TMEM132D: variants seen among roughly 807,000 people sequenced by gnomAD.
The protein encoded by TMEM132D is mature OL transmembrane protein.
In TMEM132D, 21 loss-of-function variants were observed where a neutral mutation model predicts 62.3. That is an observed-to-expected ratio of 0.34 (90% CI 0.24 to 0.49). The LOEUF is 0.49. Ranked by LOEUF, TMEM132D falls within the 20% of genes least tolerant of loss-of-function variation. The pLI, the probability that TMEM132D is intolerant of heterozygous loss-of-function variation, is 0.99. For missense variants in TMEM132D, 1,346 were observed against 1,402.8 expected (o/e 0.96, Z 0.65); for synonymous variants, 621 against 575.6 (o/e 1.08, Z -1.13).
chr12:129,319,393 G>C (rs751938377), intron 4 of TMEM132D, among the ~76,000 whole-genome samples: 1 of 152,196 alleles, frequency 6.6e-6, no homozygotes, highest in Non-Finnish European at 1.5e-5. Context: ...GGGGGTGTGT[G>C]TTTGGGAGAG....
At position 129,389,078 on chromosome 12, in the gene TMEM132D, C is replaced by G. The variant is rs56794307; in HGVS notation, c.1116-51261G>C. Among the ~76,000 whole-genome samples, 45 of 97,390 alleles carry G rather than the reference C, an allele frequency of 4.6e-4. 5 individuals carry two copies. Among genetic ancestry groups the G allele is most frequent in the Non-Finnish European group, 6.2e-4 (27 of 43,560 alleles). The allele number at this position is 97,390 out of a possible 152,430, so 63.9% of individuals were successfully genotyped here. ...ATGAATCCTAATATAAACACTAACACCGACACCAATGCTAACACCGACACC... is the reference window on the plus strand; with the variant it reads ...ATGAATCCTAATATAAACACTAACAGCGACACCAATGCTAACACCGACACC... On this transcript the variant is annotated intron_variant, in intron 3 of 8. Coordinates refer to ENST00000422113, the MANE Select transcript of TMEM132D (RefSeq NM_133448.3).
chr12:129,820,824 A>T lies in TMEM132D; in HGVS notation c.79+82437T>A, dbSNP rs952283569. Among the ~76,000 whole-genome samples the T allele has an allele frequency of 5.6e-4, 85 of 152,212 alleles. 1 individual carries two copies. The highest frequency in any genetic ancestry group is 4.0e-4 in the Non-Finnish European group (27 of 68,046). ...GGCTGGCCTCAAACTCGTGGGCTCA[A>T]GCCATCCTCCTGCCTTGGCCTCCCA... is the stretch of plus-strand genomic sequence containing the variant. On this transcript the variant is annotated intron_variant, in intron 1 of 8. Coordinates refer to ENST00000422113, the MANE Select transcript of TMEM132D (RefSeq NM_133448.3).
At chr12:129,888,537 A>C (rs1874819519) in intron 1 of TMEM132D, among the ~76,000 whole-genome samples, 1 of 152,074 alleles carries the variant, frequency 6.6e-6, no homozygotes, top group Admixed American at 6.5e-5. Context: ...ATCTCTACTA[A>C]AAATACAATA....
chr12:129,452,932 C>G (rs1873342645), intron 3 of TMEM132D, among the ~76,000 whole-genome samples: 1 of 152,142 alleles, frequency 6.6e-6, no homozygotes, highest in Admixed American at 6.5e-5. Context: ...CCCCAACCCC[C>G]GGGGCCATGG....
intron 3 of TMEM132D, among the ~76,000 whole-genome samples, chr12:129,426,493 A>C (rs974424747): frequency 7.2e-5 from 11 of 152,194 alleles, no homozygotes; most frequent in African/African-American, 2.7e-4. Context: ...AGTGGTTGCC[A>C]CACTGATGTC....
chr12:129,499,542 C>T (rs1263117149), intron 3 of TMEM132D, among the ~76,000 whole-genome samples: 1 of 152,190 alleles, frequency 6.6e-6, no homozygotes, highest in African/African-American at 2.4e-5. Flanking sequence ...ACACCCTTTC[C>T]CCCATAGGGA....
At chr12:129,171,539 A>T (rs886358943) in intron 5 of TMEM132D, among the ~76,000 whole-genome samples, 22 of 152,250 alleles carry the variant, frequency 1.4e-4, no homozygotes, top group Admixed American at 4.6e-4. Flanking sequence ...GAGGAATCAC[A>T]GTCTCTGGCA....
At chr12:129,246,424 A>G (rs1880114854) in intron 4 of TMEM132D, among the ~76,000 whole-genome samples, 1 of 152,172 alleles carries the variant, frequency 6.6e-6, no homozygotes, top group Non-Finnish European at 1.5e-5. Flanking sequence ...CCTGACGGGA[A>G]GGAATGGGTT....
chr12:129,084,637 C>T lies in TMEM132D; in HGVS notation c.1509G>A (p.Val503=), dbSNP rs1233765147. The T allele has an allele frequency of 6.2e-7, 1 of 1,614,150 alleles. No homozygotes were observed. The highest frequency in any genetic ancestry group is 1.1e-5 in the South Asian group (1 of 91,076). ...GKEMKGKVNV[V]VNFTYQHLSS... ...TCAGGTGCTGGTAGGTGAAGTTCAC[C>T]ACCACGTTGACCTTGCCTTTCATTT... The change falls in exon 6 of 9, where the codon GTG becomes GTA. Residue 503 remains valine (V), a synonymous_variant. Coordinates refer to ENST00000422113, the MANE Select transcript of TMEM132D (RefSeq NM_133448.3).
intron 3 of TMEM132D, among the ~76,000 whole-genome samples, chr12:129,438,096 C>A (rs892450218): frequency 6.6e-6 from 1 of 152,108 alleles, no homozygotes; most frequent in African/African-American, 2.4e-5. Flanking sequence ...GCATAGTATT[C>A]CATGGTGAAT....
intron 1 of TMEM132D, among the ~76,000 whole-genome samples, chr12:129,862,514 C>T (rs1290623925): frequency 2.0e-5 from 3 of 152,192 alleles, no homozygotes; most frequent in African/African-American, 4.8e-5. Flanking sequence ...TCCATCTGTG[C>T]TCTCTGAACT....
chr12:129,636,811 G>A (rs1019503169), intron 2 of TMEM132D, among the ~76,000 whole-genome samples: 3 of 151,668 alleles, frequency 2.0e-5, no homozygotes, highest in Non-Finnish European at 2.9e-5. Context: ...GTATGAACCT[G>A]ACTGGTATGA....
intron 2 of TMEM132D, among the ~76,000 whole-genome samples, chr12:129,676,537 A>T (rs1402812610): frequency 2.0e-5 from 3 of 152,108 alleles, no homozygotes; most frequent in Admixed American, 2.0e-4. Context: ...CTTACAGAGG[A>T]GGGGGAAGGG....
chr12:129,820,877 A>G (rs1365968313), intron 1 of TMEM132D, among the ~76,000 whole-genome samples: 1 of 152,220 alleles, frequency 6.6e-6, no homozygotes, highest in African/African-American at 2.4e-5. Context: ...GTGTGCACCA[A>G]CACGCCTGGC....
At chr12:129,450,930 A>C (rs1566072705) in intron 3 of TMEM132D, among the ~76,000 whole-genome samples, 3 of 151,728 alleles carry the variant, frequency 2.0e-5, no homozygotes, top group Middle Eastern at 3.4e-3. Flanking sequence ...CACCTGGCTA[A>C]TTTTTGTAAT....
At chr12:129,601,543 T>C (rs1380952188) in intron 2 of TMEM132D, among the ~76,000 whole-genome samples, 2 of 152,230 alleles carry the variant, frequency 1.3e-5, no homozygotes, top group Non-Finnish European at 2.9e-5. Flanking sequence ...TAATCATTTC[T>C]AGCTTCTGAT....
chr12:129,599,387 A>G (rs1248068236), intron 2 of TMEM132D, among the ~76,000 whole-genome samples: 1 of 152,244 alleles, frequency 6.6e-6, no homozygotes, highest in Non-Finnish European at 1.5e-5. Context: ...CAGAGGCATT[A>G]CACACCAGCC....
chr12:129,239,290 T>C (rs1197143764), intron 4 of TMEM132D, among the ~76,000 whole-genome samples: 1 of 152,204 alleles, frequency 6.6e-6, no homozygotes, highest in African/African-American at 2.4e-5. Context: ...CCAAATCCAA[T>C]GTCACAAAGC....
At chr12:129,335,994 T>C (rs534581831) in intron 4 of TMEM132D, among the ~76,000 whole-genome samples, 1 of 152,304 alleles carries the variant, frequency 6.6e-6, no homozygotes, top group South Asian at 2.1e-4. Flanking sequence ...GACCATGAGG[T>C]AATCATGAGG....
Sources: allele counts gnomAD v4.1 joint callset (sites outside exome capture counted in the v4.1 genomes callset), GRCh38; gene constraint gnomAD v4.1.1; transcripts MANE v1.5; gene names NCBI Gene and HGNC (gene_info 2026-07-23, HGNC 2026-07-21).